Variants in CNGB1 observed in about 807,000 individuals in gnomAD.
The protein encoded by CNGB1 is cyclic nucleotide-gated channel beta-1.
Under a neutral mutation model 151.7 loss-of-function variants are expected in CNGB1, and 126 were observed. The observed-to-expected ratio is 0.83, with a 90% CI of 0.72 to 0.96. The LOEUF is 0.96. CNGB1 is among the 40% of genes least tolerant of loss of function. The pLI is 0.00. For missense variants in CNGB1, 1,698 were observed against 1,627.0 expected (o/e 1.04, Z -0.75); for synonymous variants, 623 against 635.1 (o/e 0.98, Z 0.29).
At chr16:57,907,948 C>T (rs942908510) in intron 25 of CNGB1, among the ~76,000 whole-genome samples, 4 of 152,206 alleles carry the variant, frequency 2.6e-5, no homozygotes, top group Non-Finnish European at 5.9e-5. Flanking sequence ...GGCTGGAGTG[C>T]AGCGATCTGG....
At chr16:57,937,602 C>T (rs905580899) in intron 16 of CNGB1, among the ~76,000 whole-genome samples, 21 of 152,298 alleles carry the variant, frequency 1.4e-4, no homozygotes, top group East Asian at 1.9e-4. Flanking sequence ...TACCAACCAC[C>T]GGCAGCATTT....
chr16:57,948,107 T>G (rs1441011564), intron 14 of CNGB1, among the ~76,000 whole-genome samples: 1 of 152,138 alleles, frequency 6.6e-6, no homozygotes, highest in Non-Finnish European at 1.5e-5. Context: ...GCCAGGGGAC[T>G]GGAGCAAGGA....
At chr16:57,957,727 C>T (rs754188322) in intron 11 of CNGB1, among the ~76,000 whole-genome samples, 8 of 152,198 alleles carry the variant, frequency 5.3e-5, no homozygotes, top group South Asian at 2.1e-4. Flanking sequence ...GCTTTGTTTA[C>T]GGAACTCTTT....
chr16:57,953,713 C>T (rs1431951987), intron 12 of CNGB1, among the ~76,000 whole-genome samples: 2 of 152,026 alleles, frequency 1.3e-5, no homozygotes, highest in Admixed American at 6.6e-5. Context: ...CTGGCTCAGG[C>T]TCACATCTCC....
intron 25 of CNGB1, among the ~76,000 whole-genome samples, chr16:57,908,350 C>A (rs1196392082): frequency 6.6e-6 from 1 of 152,282 alleles, no homozygotes; most frequent in Non-Finnish European, 1.5e-5. Context: ...ACGCAAGCAT[C>A]CCACCTGTTC....
intron 27 of CNGB1, 69 bp from the exon 28 acceptor site, chr16:57,901,694 G>T: frequency 7.7e-7 from 1 of 1,295,554 alleles, no homozygotes; most frequent in Non-Finnish European, 1.1e-6. Context: ...TACCGGCCAA[G>T]TGCCCACCTA....
chr16:57,945,228 CTG>C (rs1359414178), intron 14 of CNGB1, among the ~76,000 whole-genome samples: 2 of 152,188 alleles, frequency 1.3e-5, no homozygotes. Flanking sequence ...ATTTTGGAGA[CTG>C]TGCCTTCTAC....
chr16:57,940,403 C>A, intron 14 of CNGB1, 82 bp from the exon 15 acceptor site: 1 of 1,371,906 alleles, frequency 7.3e-7, no homozygotes, highest in Non-Finnish European at 1.0e-6. Context: ...GAGGGCCACG[C>A]TCTGTGCCAG....
rs891445212 is a variant in CNGB1, at chr16:57,963,942, C to T, written c.290+188G>A. 1.2e-5 allele frequency: 7 copies of T among 595,410 alleles called. No individual in the cohort carries two copies. In the Admixed American group the frequency reaches 1.5e-4, roughly 13 times the overall value. 36.9% of individuals were successfully genotyped at this position (595,410 alleles called of 1,614,324 possible). ...TTACAAACTGGGAGCTTCAGGCTTA[C>T]TTAGGGAGAGCCCGCCCTCCACCTG... is the stretch of plus-strand genomic sequence containing the variant. On this transcript the variant is annotated intron_variant, in intron 4 of 32. Transcript: ENST00000251102.
chr16:57,891,317 A>G (rs1960083315), intron 31 of CNGB1, among the ~76,000 whole-genome samples: 1 of 152,172 alleles, frequency 6.6e-6, no homozygotes. Context: ...CTAGATTCCT[A>G]CAAATCTCCC....
rs144574266 is a variant in CNGB1, at chr16:57,929,262, G to A, written c.1535+2454C>T. 7.4e-3 allele frequency among the ~76,000 whole-genome samples: 1,131 copies of A among 152,254 alleles called. 16 individuals are homozygous for A. Among genetic ancestry groups the A allele is most frequent in the African/African-American group, 0.025 (1,028 of 41,540 alleles). ...GAAAAGCTACTCGACATCACTAATC[G>A]TTGGGTGTATTAGTCCATTTTCACA... On this transcript the variant is annotated intron_variant, in intron 17 of 32. Transcript: ENST00000251102.
rs1457948281 is a variant in CNGB1 at position 57,918,983 on chromosome 16, G to C, written c.1957+116C>G. 7 of 1,553,820 alleles carry C rather than the reference G, an allele frequency of 4.5e-6. No individual in the cohort carries two copies. The East Asian group carries it at 7.0e-5, about 16-fold the overall frequency. ...AAAGGTATAAAAGATCATGAACCCA[G>C]GTTGTCTGTGGCCTCCCATCCCACC... On this transcript the variant is annotated intron_variant, in intron 20 of 32. Transcript: ENST00000251102.
intron 25 of CNGB1, among the ~76,000 whole-genome samples, chr16:57,908,894 A>T (rs1377536750): frequency 6.6e-6 from 1 of 152,098 alleles, no homozygotes; most frequent in Non-Finnish European, 1.5e-5. Context: ...GCACTCTTCC[A>T]TCAGCACGAG....
rs773738602 is a variant in CNGB1 at position 57,920,586 on chromosome 16, G to A, written c.1644-42C>T. ...CAAAGCTGAGCAGGCTGAGCCGGGA[G>A]GGACCTGTGCACCCCCAGGCCAGAG... is the stretch of plus-strand genomic sequence containing the variant. On this transcript the variant is annotated intron_variant, in intron 18 of 32. Coordinates refer to ENST00000251102, the MANE Select transcript of CNGB1 (RefSeq NM_001297.5). The A allele has an allele frequency of 1.1e-5, 18 of 1,604,198 alleles. 1 individual carries two copies. In the South Asian group the frequency reaches 1.9e-4, roughly 17 times the overall value.
chr16:57,933,880 G>A (rs1220426797), intron 16 of CNGB1, among the ~76,000 whole-genome samples: 2 of 151,670 alleles, frequency 1.3e-5, no homozygotes, highest in African/African-American at 4.8e-5. Context: ...CTGCCACCAC[G>A]CCTGGCTAAT....
At chr16:57,959,259 A>C (rs1321592147) in intron 10 of CNGB1, among the ~76,000 whole-genome samples, 1 of 152,108 alleles carries the variant, frequency 6.6e-6, no homozygotes, top group Non-Finnish European at 1.5e-5. Flanking sequence ...GAAAGAATGC[A>C]GTAAGACCTG....
chr16:57,933,558 TATTCCTCCTTCTCCC>T (rs1961419370), intron 16 of CNGB1, among the ~76,000 whole-genome samples: 1 of 152,082 alleles, frequency 6.6e-6, no homozygotes, highest in Non-Finnish European at 1.5e-5. Context: ...GCTGGGATAG[TATTCCTCCTTCTCCC>T]CTACACCTAG....
rs867003183 is a variant in CNGB1, at chr16:57,903,858, A to G, written c.2758T>C (p.Trp920Arg). Residue 920 changes from tryptophan (W) to arginine (R), a missense_variant, in exon 27 of 33, where the codon TGG becomes CGG. Coordinates refer to ENST00000251102, the MANE Select transcript of CNGB1 (RefSeq NM_001297.5). ...TGCGAGTGCCAGGTGTACTCGTACC[A>G]GGTCTTGACGCGGTTCTGCACGGAC... Reference protein sequence around the residue: ...PKSVQNRVKTWYEYTWHSQGM... With the variant: ...PKSVQNRVKTRYEYTWHSQGM... 1.2e-6 allele frequency: 2 copies of G among 1,614,192 alleles called. No homozygotes were observed. The highest frequency in any genetic ancestry group is 1.7e-6 in the Non-Finnish European group (2 of 1,180,034).
At chr16:57,963,190 T>C (rs1450277403) in intron 4 of CNGB1, 126 bp from the exon 5 acceptor site, 13 of 831,222 alleles carry the variant, frequency 1.6e-5, no homozygotes, top group Non-Finnish European at 2.7e-5. Context: ...TGTGGTGTGG[T>C]TATTGGAAAG....
Sources: gnomAD v4.1 joint callset for allele counts (sites outside exome capture counted in the v4.1 genomes callset) on GRCh38, gnomAD v4.1.1 for gene constraint, MANE v1.5 for transcripts, NCBI Gene and HGNC (gene_info 2026-07-23, HGNC 2026-07-21) for gene names.